Variants in LRP1B observed in about 807,000 individuals in gnomAD.
LRP1B encodes the protein LDL receptor related protein 1B, also known as low-density lipoprotein receptor-related protein 1B.
Under a neutral mutation model 556.6 loss-of-function variants are expected in LRP1B, and 217 were observed. That is an observed-to-expected ratio of 0.39 (90% CI 0.35 to 0.44). The LOEUF (loss-of-function observed/expected upper bound fraction) is 0.44. LRP1B is among the 20% of genes least tolerant of loss of function. The pLI is 1.00. For missense variants in LRP1B, 5,053 were observed against 5,620.8 expected (o/e 0.90, Z 3.23); for synonymous variants, 2,047 against 1,865.8 (o/e 1.10, Z -2.50).
intron 2 of LRP1B, among the ~76,000 whole-genome samples, chr2:141,555,917 A>T (rs1455587477): frequency 6.6e-6 from 1 of 151,852 alleles, no homozygotes; most frequent in Admixed American, 6.6e-5. Flanking sequence ...GCCAGTTTTA[A>T]ATCTTTTATT....
intron 1 of LRP1B, among the ~76,000 whole-genome samples, chr2:141,891,814 A>T (rs1699301939): frequency 6.6e-6 from 1 of 152,106 alleles, no homozygotes; most frequent in Admixed American, 6.5e-5. Flanking sequence ...GTCTCAGTGG[A>T]TCAAACGGAA....
At chr2:141,033,768 C>T (rs1238359788) in intron 11 of LRP1B, among the ~76,000 whole-genome samples, 1 of 152,142 alleles carries the variant, frequency 6.6e-6, no homozygotes, top group South Asian at 2.1e-4. Flanking sequence ...CCTCACCAGA[C>T]ACTGAATCTG....
chr2:140,989,566 C>T lies in LRP1B; in HGVS notation c.2736G>A (p.Gly912=), dbSNP rs569082050. 23 of 1,613,258 alleles carry T rather than the reference C, an allele frequency of 1.4e-5. No homozygotes were observed. The East Asian group carries it at 4.7e-4, about 33-fold the overall frequency. Reference sequence around the variant, plus strand: ...TTTGATTGGATTCATCTTCATTGCTCCCACAGTCATTAGCTCCATCACAAA... The same window carrying T: ...TTTGATTGGATTCATCTTCATTGCTTCCACAGTCATTAGCTCCATCACAAA... The part of the protein sequence containing the change: ...RWLCDGANDC[G]SNEDESNQTC... Residue 912 remains glycine (G), a synonymous_variant, in exon 17 of 91, where the codon GGG becomes GGA. Transcript: ENST00000389484.
At chr2:140,308,228 T>C (rs2105022264) in intron 83 of LRP1B, among the ~76,000 whole-genome samples, 1 of 151,914 alleles carries the variant, frequency 6.6e-6, no homozygotes, top group South Asian at 2.1e-4. Flanking sequence ...TGATAAACTG[T>C]TCTTAAACTG....
intron 2 of LRP1B, among the ~76,000 whole-genome samples, chr2:141,614,083 A>G (rs867432985): frequency 5.5e-5 from 8 of 146,194 alleles, no homozygotes; most frequent in East Asian, 1.9e-4. Context: ...TCAGCCTCAA[A>G]AAAAAAAAAA....
At position 141,537,376 on chromosome 2, in the gene LRP1B, C is replaced by T. The variant is rs531526432; in HGVS notation, c.206-56843G>A. Among the ~76,000 whole-genome samples the T allele has an allele frequency of 1.1e-4, 17 of 152,154 alleles. No individual in the cohort carries two copies. The South Asian group carries it at 3.1e-3, about 28-fold the overall frequency. ...CTATGCAAGTAATTTATTTTTAATA[C>T]TCAATATCATGAGTAAAGAAAATGA... On this transcript the variant is annotated intron_variant, in intron 2 of 90. Transcript: ENST00000389484.
In LRP1B at chr2:141,484,506, A is replaced by G. The variant is rs566757988; in HGVS notation, c.206-3973T>C. Among the ~76,000 whole-genome samples, 6 of 152,092 alleles carry G rather than the reference A, an allele frequency of 3.9e-5. No homozygotes were observed. The South Asian group carries it at 1.2e-3, about 32-fold the overall frequency. On this transcript the variant is annotated intron_variant, in intron 2 of 90. Coordinates refer to ENST00000389484, the MANE Select transcript of LRP1B (RefSeq NM_018557.3). ...TTTTTCCAATTCTGTGAAGAAAGTC[A>G]TTGGTAACTTGATGGGGATGGCATT...
chr2:141,246,860 G>T (rs1389087143), intron 5 of LRP1B, among the ~76,000 whole-genome samples: 1 of 152,128 alleles, frequency 6.6e-6, no homozygotes, highest in African/African-American at 2.4e-5. Flanking sequence ...AGCTACTTGG[G>T]AGGCTGAGGC....
At chr2:140,936,005 A>G (rs1695192976) in intron 20 of LRP1B, among the ~76,000 whole-genome samples, 1 of 149,116 alleles carries the variant, frequency 6.7e-6, no homozygotes, top group Non-Finnish European at 1.5e-5. Context: ...CTGTGTGTAT[A>G]TGTGTGTGTG....
intron 3 of LRP1B, among the ~76,000 whole-genome samples, chr2:141,440,213 G>A (rs940051829): frequency 2.6e-5 from 4 of 152,340 alleles, no homozygotes; most frequent in Middle Eastern, 3.4e-3. Context: ...GACATAGGCA[G>A]GATTTGCGCC....
At chr2:141,217,832 T>A (rs1275180066) in intron 6 of LRP1B, among the ~76,000 whole-genome samples, 1 of 152,110 alleles carries the variant, frequency 6.6e-6, no homozygotes, top group Non-Finnish European at 1.5e-5. Context: ...AAACTATGCA[T>A]CTGATGAAAG....
chr2:140,383,170 C>T (rs1348194158), intron 67 of LRP1B, among the ~76,000 whole-genome samples: 2 of 152,094 alleles, frequency 1.3e-5, no homozygotes, highest in African/African-American at 4.8e-5. Context: ...TGATATGTTT[C>T]ACTACTTAAT....
intron 2 of LRP1B, among the ~76,000 whole-genome samples, chr2:141,569,380 G>GA (rs1559146782): frequency 6.7e-6 from 1 of 150,114 alleles, no homozygotes; most frequent in Non-Finnish European, 1.5e-5. Context: ...TTCCAGTTGA[G>GA]AAAAAAAAGA....
At chr2:140,688,224 T>A (rs1686117127) in intron 41 of LRP1B, among the ~76,000 whole-genome samples, 1 of 152,016 alleles carries the variant, frequency 6.6e-6, no homozygotes. Context: ...GAAAAAAAAA[T>A]CAGCATTATT....
At chr2:140,428,981 T>C (rs1376725571) in intron 66 of LRP1B, among the ~76,000 whole-genome samples, 2 of 152,084 alleles carry the variant, frequency 1.3e-5, no homozygotes. Context: ...TTCTTCCCAA[T>C]CCAAAGCCTC....
At chr2:140,612,665 C>A (rs1683110711) in intron 41 of LRP1B, among the ~76,000 whole-genome samples, 1 of 152,112 alleles carries the variant, frequency 6.6e-6, no homozygotes, top group Non-Finnish European at 1.5e-5. Flanking sequence ...TGATTGAGCG[C>A]TTGATCCGTC....
intron 3 of LRP1B, among the ~76,000 whole-genome samples, chr2:141,297,885 T>A (rs2105423312): frequency 6.6e-6 from 1 of 152,288 alleles, no homozygotes; most frequent in East Asian, 1.9e-4. Context: ...GCTGTATAGG[T>A]TTGTCACCTA....
chr2:141,042,478 T>C (rs1698730544), intron 11 of LRP1B, among the ~76,000 whole-genome samples: 1 of 152,122 alleles, frequency 6.6e-6, no homozygotes. Context: ...CTCTGAAGTT[T>C]CATGTCTCCT....
At chr2:141,492,540 T>G (rs567450345) in intron 2 of LRP1B, among the ~76,000 whole-genome samples, 71 of 152,258 alleles carry the variant, frequency 4.7e-4, no homozygotes, top group Non-Finnish European at 7.9e-4. Context: ...AAAATAATTC[T>G]GATATTTTCC....
Sources: gnomAD v4.1 joint callset for allele counts (sites outside exome capture counted in the v4.1 genomes callset) on GRCh38, gnomAD v4.1.1 for gene constraint, MANE v1.5 for transcripts, NCBI Gene and HGNC (gene_info 2026-07-23, HGNC 2026-07-21) for gene names.